The following OSBPL10 variants were observed in gnomAD, a reference collection of about 807,000 sequenced individuals.
OSBPL10 encodes oxysterol-binding protein-related protein 10.
In OSBPL10, 49 loss-of-function variants were observed where a neutral mutation model predicts 81.7. That is an observed-to-expected ratio of 0.60 (90% CI 0.48 to 0.76). The LOEUF (loss-of-function observed/expected upper bound fraction) is 0.76. Ranked by LOEUF, OSBPL10 falls within the 30% of genes least tolerant of loss-of-function variation. The pLI is 0.00. For synonymous variants in OSBPL10, 419 were observed against 383.6 expected (o/e 1.09, Z -1.08); for missense variants, 923 against 987.8 (o/e 0.93, Z 0.88).
intron 4 of OSBPL10, among the ~76,000 whole-genome samples, chr3:31,798,293 G>T (rs1444781338): frequency 6.6e-6 from 1 of 151,956 alleles, no homozygotes; most frequent in Non-Finnish European, 1.5e-5. Flanking sequence ...AGCTGGGCGT[G>T]GTGGCAGGTG....
At chr3:31,832,749 G>A (rs1270450483) in intron 3 of OSBPL10, among the ~76,000 whole-genome samples, 1 of 152,166 alleles carries the variant, frequency 6.6e-6, no homozygotes, top group Non-Finnish European at 1.5e-5. Flanking sequence ...TGTTCCAAGG[G>A]TGATGGGCCT....
In OSBPL10 at chr3:31,792,740, AGTGTGTGTGTGTGT is replaced by A. The variant is rs10575874; in HGVS notation, c.729+37286_729+37299del. 3.7e-3 allele frequency among the ~76,000 whole-genome samples: 494 copies of A among 133,698 alleles called. 4 individuals are homozygous for A. The highest frequency in any genetic ancestry group is 0.017 in the South Asian group (60 of 3,610). 87.7% of individuals were successfully genotyped at this position (133,698 alleles called of 152,430 possible). On this transcript the variant is annotated intron_variant, in intron 4 of 11. Transcript: ENST00000396556. ...TACACTCTCAGCTATCCAGACACAG[AGTGTGTGTGTGTGT>A]GTGTGTGTGTGTGTGTGTGTGTAAA...
intron 6 of OSBPL10, among the ~76,000 whole-genome samples, chr3:31,715,837 G>A (rs950788911): frequency 2.0e-5 from 3 of 152,120 alleles, no homozygotes; most frequent in Non-Finnish European, 4.4e-5. Context: ...TCTCATCTGC[G>A]GATGGTAAAT....
At chr3:32,011,884 A>G (rs913665035) in intron 2 of OSBPL10, among the ~76,000 whole-genome samples, 2 of 152,208 alleles carry the variant, frequency 1.3e-5, no homozygotes, top group African/African-American at 4.8e-5. Flanking sequence ...CGAGAAGAGA[A>G]GTCAGAAAAA....
chr3:31,690,242 A>G (rs1379375055), intron 7 of OSBPL10, among the ~76,000 whole-genome samples: 1 of 151,926 alleles, frequency 6.6e-6, no homozygotes, highest in Non-Finnish European at 1.5e-5. Context: ...CTGGTTGTTT[A>G]AAAGTATATA....
chr3:31,798,254 A>AC (rs1372020640), intron 4 of OSBPL10, among the ~76,000 whole-genome samples: 1 of 152,092 alleles, frequency 6.6e-6, no homozygotes, highest in South Asian at 2.1e-4. Flanking sequence ...ACATGATGAA[A>AC]CCCCGTCTCT....
intron 1 of OSBPL10, among the ~76,000 whole-genome samples, chr3:31,959,333 T>C (rs1416793847): frequency 1.3e-5 from 2 of 152,214 alleles, no homozygotes; most frequent in East Asian, 3.8e-4. Context: ...TAAAGGCCAG[T>C]TCTGTATTCA....
intron 1 of OSBPL10, among the ~76,000 whole-genome samples, chr3:32,074,581 C>T (rs927390964): frequency 1.3e-5 from 2 of 152,182 alleles, no homozygotes; most frequent in African/African-American, 4.8e-5. Context: ...CTGCATCCTT[C>T]GCTACCCTCC....
intron 5 of OSBPL10, among the ~76,000 whole-genome samples, chr3:31,734,331 C>G (rs962112006): frequency 7.2e-5 from 11 of 152,182 alleles, no homozygotes; most frequent in African/African-American, 2.2e-4. Flanking sequence ...GACTTTTACT[C>G]TAATTTTTTT....
intron 11 of OSBPL10, 53 bp downstream of exon 11, chr3:31,664,026 C>CT: frequency 6.2e-7 from 1 of 1,614,134 alleles, no homozygotes; most frequent in East Asian, 2.2e-5. Context: ...CATCTACCCT[C>CT]TCAGGACAAG....
chr3:31,957,100 A>G (rs552710411), intron 1 of OSBPL10, among the ~76,000 whole-genome samples: 1 of 152,282 alleles, frequency 6.6e-6, no homozygotes, highest in African/African-American at 2.4e-5. Flanking sequence ...GTGCCACTGC[A>G]CTCCAGCCTG....
At chr3:31,969,000 T>A (rs570242001) in intron 1 of OSBPL10, among the ~76,000 whole-genome samples, 5 of 152,272 alleles carry the variant, frequency 3.3e-5, no homozygotes, top group African/African-American at 1.2e-4. Context: ...TCTGTTAAAC[T>A]TTTTAGAGAC....
intron 2 of OSBPL10, among the ~76,000 whole-genome samples, chr3:32,015,783 G>A (rs191055130): frequency 2.4e-4 from 36 of 152,218 alleles, no homozygotes; most frequent in African/African-American, 7.0e-4. Flanking sequence ...ACAAGTGGGC[G>A]AAGGATATGA....
chr3:32,030,685 T>C (rs76922989), intron 2 of OSBPL10: 16 of 970,188 alleles, frequency 1.6e-5, no homozygotes, highest in Non-Finnish European at 2.7e-5. Context: ...ATAATAGGTG[T>C]TAAAAAAAAT....
At chr3:31,804,072 A>G (rs1004739139) in intron 4 of OSBPL10, among the ~76,000 whole-genome samples, 4 of 152,190 alleles carry the variant, frequency 2.6e-5, no homozygotes, top group African/African-American at 9.7e-5. Context: ...GTGTACATCA[A>G]TGGTTCTGAC....
chr3:31,879,952 C>T, intron 1 of OSBPL10, 122 bp from the exon 2 acceptor site: 1 of 1,054,408 alleles, frequency 9.5e-7, no homozygotes, highest in Non-Finnish European at 1.3e-6. Flanking sequence ...AGCTGGAAAC[C>T]AAAAGTCCCT....
At chr3:31,862,667 T>C (rs1446848034) in intron 3 of OSBPL10, among the ~76,000 whole-genome samples, 2 of 152,076 alleles carry the variant, frequency 1.3e-5, no homozygotes, top group Non-Finnish European at 2.9e-5. Context: ...GAATGGCCAA[T>C]AAGCATATAA....
At chr3:31,870,494 A>G (rs1701293048) in intron 3 of OSBPL10, among the ~76,000 whole-genome samples, 1 of 152,250 alleles carries the variant, frequency 6.6e-6, no homozygotes, top group South Asian at 2.1e-4. Flanking sequence ...AGGGCTGAGG[A>G]GTGCGAATGC....
At chr3:31,814,179 C>T (rs1699776274) in intron 4 of OSBPL10, among the ~76,000 whole-genome samples, 1 of 152,212 alleles carries the variant, frequency 6.6e-6, no homozygotes. Context: ...GAGGGCCAGG[C>T]ATCCCAACAG....
Sources: allele counts gnomAD v4.1 joint callset (sites outside exome capture counted in the v4.1 genomes callset), GRCh38; gene constraint gnomAD v4.1.1; transcripts MANE v1.5; gene names NCBI Gene and HGNC (gene_info 2026-07-23, HGNC 2026-07-21).